PLCB1: variants seen among roughly 807,000 people sequenced by gnomAD.
PLCB1 encodes the protein 1-phosphatidylinositol 4,5-bisphosphate phosphodiesterase beta-1.
In PLCB1, 46 loss-of-function variants were observed where a neutral mutation model predicts 161.8. That is an observed-to-expected ratio of 0.28 (90% confidence interval 0.22 to 0.36). PLCB1 has a LOEUF of 0.36. Among genes scored for constraint, PLCB1 ranks in the 10% least tolerant of loss-of-function variants. The pLI is 1.00. For synonymous variants in PLCB1, 517 were observed against 503.7 expected (o/e 1.03, Z -0.35); for missense variants, 1,016 against 1,472.5 (o/e 0.69, Z 5.07).
intron 9 of PLCB1, among the ~76,000 whole-genome samples, chr20:8,679,863 A>G (rs1329769973): frequency 1.3e-5 from 2 of 152,226 alleles, no homozygotes; most frequent in Non-Finnish European, 1.5e-5. Context: ...TTCAGAAAAC[A>G]GTAGCATTGC....
At chr20:8,285,756 A>G (rs1467930889) in intron 2 of PLCB1, among the ~76,000 whole-genome samples, 1 of 152,128 alleles carries the variant, frequency 6.6e-6, no homozygotes, top group Non-Finnish European at 1.5e-5. Context: ...ACCTACTCCT[A>G]TGGCCTTCAC....
chr20:8,435,637 T>C (rs762940754), intron 3 of PLCB1, among the ~76,000 whole-genome samples: 3 of 152,070 alleles, frequency 2.0e-5, no homozygotes, highest in Non-Finnish European at 4.4e-5. Flanking sequence ...GTCACAGAGC[T>C]CAAGAAATTG....
At chr20:8,299,041 T>G (rs1164525715) in intron 2 of PLCB1, among the ~76,000 whole-genome samples, 3 of 152,172 alleles carry the variant, frequency 2.0e-5, no homozygotes, top group Non-Finnish European at 4.4e-5. Context: ...ATTCATTTAT[T>G]CATTCATTTT....
Position 8,884,108 on chromosome 20 carries a change from T to A in PLCB1, c.*2259T>A, listed in dbSNP as rs1486513547. On this transcript the variant is annotated 3_prime_UTR_variant, in exon 32 of 32. Coordinates refer to ENST00000338037, the MANE Select transcript of PLCB1 (RefSeq NM_015192.4). ...TTCATTATCTTAGTGAATTTAGTCA[T>A]TTTACAATATGTTTGTATTTGGCCA... 1 of 152,386 alleles carries A rather than the reference T, an allele frequency of 6.6e-6. No individual in the cohort carries two copies. The highest frequency in any genetic ancestry group is 2.4e-5 in the African/African-American group (1 of 41,466). The allele number at this position is 152,386 out of a possible 1,614,324, so 9.4% of individuals were successfully genotyped here.
At chr20:8,301,651 C>A (rs140369878) in intron 2 of PLCB1, among the ~76,000 whole-genome samples, 1 of 152,124 alleles carries the variant, frequency 6.6e-6, no homozygotes, top group Non-Finnish European at 1.5e-5. Flanking sequence ...CTGTTTCTAC[C>A]GTCTGGAATA....
chr20:8,865,537 A>G (rs564223855), intron 31 of PLCB1, among the ~76,000 whole-genome samples: 1 of 152,204 alleles, frequency 6.6e-6, no homozygotes, highest in Non-Finnish European at 1.5e-5. Context: ...CAAAATATCA[A>G]TGGCTTCATA....
intron 3 of PLCB1, among the ~76,000 whole-genome samples, chr20:8,422,655 A>C (rs942022980): frequency 6.6e-6 from 1 of 152,202 alleles, no homozygotes; most frequent in Middle Eastern, 3.2e-3. Flanking sequence ...TGTCAAGAAT[A>C]CTTTAATGGA....
At chr20:8,803,103 A>G (rs1483228367) in intron 31 of PLCB1, among the ~76,000 whole-genome samples, 1 of 152,234 alleles carries the variant, frequency 6.6e-6, no homozygotes, top group Non-Finnish European at 1.5e-5. Context: ...TTACTGAGAA[A>G]GAGGTATGAG....
intron 31 of PLCB1, among the ~76,000 whole-genome samples, chr20:8,874,077 CA>C (rs150178282): frequency 2.4e-3 from 359 of 151,972 alleles, no homozygotes; most frequent in Admixed American, 3.6e-3. Context: ...GTTCTCACCA[CA>C]AAAAATGGTA....
chr20:8,817,230 GA>G (rs1372473097), intron 31 of PLCB1, among the ~76,000 whole-genome samples: 1 of 152,180 alleles, frequency 6.6e-6, no homozygotes, highest in Non-Finnish European at 1.5e-5. Context: ...CAATGAATGG[GA>G]AAAAAGTAGA....
At chr20:8,442,978 T>C (rs1466067360) in intron 3 of PLCB1, among the ~76,000 whole-genome samples, 1 of 149,798 alleles carries the variant, frequency 6.7e-6, no homozygotes, top group Non-Finnish European at 1.5e-5. Flanking sequence ...TTTCTTGTTT[T>C]TTTTTTTGTT....
At chr20:8,288,843 C>G (rs768793310) in intron 2 of PLCB1, among the ~76,000 whole-genome samples, 1 of 152,180 alleles carries the variant, frequency 6.6e-6, no homozygotes, top group Non-Finnish European at 1.5e-5. Flanking sequence ...ATAGTCATAG[C>G]ATTTATCACT....
chr20:8,549,246 T>C (rs764770797), intron 3 of PLCB1, among the ~76,000 whole-genome samples: 4 of 152,278 alleles, frequency 2.6e-5, no homozygotes, highest in African/African-American at 4.8e-5. Flanking sequence ...TTACAGTTGA[T>C]ATAGATGAAG....
chr20:8,492,860 G>A (rs1383684149), intron 3 of PLCB1, among the ~76,000 whole-genome samples: 1 of 151,774 alleles, frequency 6.6e-6, no homozygotes, highest in African/African-American at 2.4e-5. Context: ...GTGTGTGTGT[G>A]TGTGTGTGTG....
chr20:8,523,492 CTCTCTATATATAT>C lies in PLCB1; in HGVS notation c.247-104801_247-104789del, dbSNP rs1568492990. On this transcript the variant is annotated intron_variant, in intron 3 of 31. Transcript: ENST00000338037. ...TCTCTCTCTCTCTCTCTCTCTCTCT[CTCTCTATATATAT>C]ATATATATATATATATGGAGAGAGA... Among the ~76,000 whole-genome samples the C allele has an allele frequency of 6.3e-3, 392 of 61,854 alleles. 51 individuals carry two copies. The highest frequency in any genetic ancestry group is 0.012 in the Middle Eastern group (1 of 86). 40.6% of individuals were successfully genotyped at this position (61,854 alleles called of 152,430 possible).
chr20:8,409,579 C>T (rs1978948505), intron 3 of PLCB1, among the ~76,000 whole-genome samples: 1 of 152,000 alleles, frequency 6.6e-6, no homozygotes, highest in African/African-American at 2.4e-5. Flanking sequence ...TCTCCTTCCT[C>T]AGCCTCCCAA....
At chr20:8,717,869 C>G (rs748648159) in intron 14 of PLCB1, 21 bp downstream of exon 14, 1 of 1,593,638 alleles carries the variant, frequency 6.3e-7, no homozygotes, top group South Asian at 1.1e-5. Context: ...GGTGGGCTCT[C>G]CCCGTCATGT....
chr20:8,594,435 T>C (rs112892457), intron 3 of PLCB1, among the ~76,000 whole-genome samples: 22 of 152,258 alleles, frequency 1.4e-4, no homozygotes, highest in African/African-American at 4.3e-4. Flanking sequence ...TTGCAAGTCA[T>C]TGGGGATCTG....
At chr20:8,555,479 A>G (rs1487843407) in intron 3 of PLCB1, among the ~76,000 whole-genome samples, 1 of 152,098 alleles carries the variant, frequency 6.6e-6, no homozygotes, top group African/African-American at 2.4e-5. Flanking sequence ...ACCTCACTCA[A>G]CATGGGATGG....
Sources: gnomAD v4.1 joint callset for allele counts (sites outside exome capture counted in the v4.1 genomes callset) on GRCh38, gnomAD v4.1.1 for gene constraint, MANE v1.5 for transcripts, NCBI Gene and HGNC (gene_info 2026-07-23, HGNC 2026-07-21) for gene names.